The following EPHA3 variants were observed in gnomAD, a reference collection of about 807,000 sequenced individuals.
EPHA3 encodes ephrin type-A receptor 3.
In EPHA3, 42 loss-of-function variants were observed where a neutral mutation model predicts 107.1. The observed-to-expected ratio is 0.39, with a 90% CI of 0.31 to 0.51. The LOEUF (loss-of-function observed/expected upper bound fraction) is 0.51, where lower values mean the gene tolerates loss of function less well. Among genes scored for constraint, EPHA3 ranks in the 20% least tolerant of loss-of-function variants. The pLI, the probability that EPHA3 is intolerant of heterozygous loss-of-function variation, is 0.78. For synonymous variants in EPHA3, 461 were observed against 424.8 expected (o/e 1.09, Z -1.05); for missense variants, 1,183 against 1,211.2 (o/e 0.98, Z 0.35).
At chr3:89,289,429 G>A (rs1220419986) in intron 3 of EPHA3, among the ~76,000 whole-genome samples, 1 of 151,430 alleles carries the variant, frequency 6.6e-6, no homozygotes, top group Non-Finnish European at 1.5e-5. Flanking sequence ...CTATGAAAAT[G>A]AAAAAAAATT....
At chr3:89,133,478 T>A (rs1704248329) in intron 2 of EPHA3, among the ~76,000 whole-genome samples, 1 of 152,216 alleles carries the variant, frequency 6.6e-6, no homozygotes. Flanking sequence ...AATCTGTGCT[T>A]CGGGATTCGA....
chr3:89,226,712 G>C (rs753494467), intron 3 of EPHA3, among the ~76,000 whole-genome samples: 1 of 152,008 alleles, frequency 6.6e-6, no homozygotes, highest in African/African-American at 2.4e-5. Flanking sequence ...TTAAAACAAG[G>C]CATGTCATAC....
intron 3 of EPHA3, among the ~76,000 whole-genome samples, chr3:89,326,772 A>G (rs149194653): frequency 2.4e-3 from 368 of 152,162 alleles, no homozygotes; most frequent in African/African-American, 8.7e-3. Flanking sequence ...ACAGAGGCCA[A>G]CTGCATTTCT....
chr3:89,392,604 A>G (rs1708767691), intron 5 of EPHA3, among the ~76,000 whole-genome samples: 2 of 151,246 alleles, frequency 1.3e-5, no homozygotes, highest in Middle Eastern at 6.8e-3. Flanking sequence ...TTTTTTTTCC[A>G]TTTTGTTTAA....
intron 9 of EPHA3, among the ~76,000 whole-genome samples, chr3:89,410,940 G>T (rs916503560): frequency 2.2e-4 from 33 of 151,872 alleles, no homozygotes; most frequent in Non-Finnish European, 3.2e-4. Flanking sequence ...GTATTTATAG[G>T]AAGGATTCAT....
intron 3 of EPHA3, among the ~76,000 whole-genome samples, chr3:89,323,200 CATTT>C (rs1707083106): frequency 6.6e-6 from 1 of 152,000 alleles, no homozygotes; most frequent in East Asian, 1.9e-4. Flanking sequence ...AATATGTAAG[CATTT>C]ATTTATATAA....
At chr3:89,109,550 T>C (rs1366955726) in intron 1 of EPHA3, among the ~76,000 whole-genome samples, 2 of 151,946 alleles carry the variant, frequency 1.3e-5, no homozygotes, top group African/African-American at 4.8e-5. Flanking sequence ...TAGCTGTTAG[T>C]CAGTATTTTT....
intron 3 of EPHA3, among the ~76,000 whole-genome samples, chr3:89,275,647 C>G (rs1705786739): frequency 6.6e-6 from 1 of 152,158 alleles, no homozygotes; most frequent in Middle Eastern, 3.4e-3. Flanking sequence ...ACCAAATTTT[C>G]TCAGAAATAT....
At chr3:89,163,931 G>T in intron 2 of EPHA3, among the ~76,000 whole-genome samples, 1 of 152,178 alleles carries the variant, frequency 6.6e-6, no homozygotes, top group East Asian at 1.9e-4. Flanking sequence ...TAAGGAATGA[G>T]ATCTTTAAAT....
At chr3:89,453,851 A>G (rs1710045207) in intron 15 of EPHA3, among the ~76,000 whole-genome samples, 1 of 152,180 alleles carries the variant, frequency 6.6e-6, no homozygotes, top group Non-Finnish European at 1.5e-5. Flanking sequence ...ATGTAGTGGC[A>G]CCTGCACCTA....
chr3:89,352,372 T>C (rs1477516735), intron 5 of EPHA3, among the ~76,000 whole-genome samples: 1 of 151,300 alleles, frequency 6.6e-6, no homozygotes, highest in East Asian at 1.9e-4. Context: ...CAAAATGTTG[T>C]CACTAATATA....
chr3:89,338,818 C>G (rs1252509251), intron 3 of EPHA3, among the ~76,000 whole-genome samples: 1 of 152,160 alleles, frequency 6.6e-6, no homozygotes, highest in East Asian at 1.9e-4. Flanking sequence ...CAGGTATTCA[C>G]TAAACACTCA....
chr3:89,383,884 G>A (rs1181336722), intron 5 of EPHA3, among the ~76,000 whole-genome samples: 3 of 151,688 alleles, frequency 2.0e-5, no homozygotes, highest in Admixed American at 2.0e-4. Context: ...TCCTGACCTC[G>A]AGATCTGCCC....
intron 3 of EPHA3, among the ~76,000 whole-genome samples, chr3:89,285,017 T>C (rs546550474): frequency 6.6e-6 from 1 of 152,076 alleles, no homozygotes; most frequent in East Asian, 1.9e-4. Flanking sequence ...TCCTGGCTAC[T>C]CAGGGGCTGA....
intron 3 of EPHA3, among the ~76,000 whole-genome samples, chr3:89,273,975 A>G (rs1232395445): frequency 6.6e-6 from 1 of 151,962 alleles, no homozygotes; most frequent in Non-Finnish European, 1.5e-5. Context: ...CACTAAATAG[A>G]CAGTTATTTA....
chr3:89,113,746 G>GGT (rs928818012), intron 1 of EPHA3, among the ~76,000 whole-genome samples: 2 of 105,700 alleles, frequency 1.9e-5, no homozygotes, highest in African/African-American at 7.6e-5. Flanking sequence ...GGTGGGGGGG[G>GGT]GCTGCATTTC....
chr3:89,148,070 T>C (rs909836601), intron 2 of EPHA3, among the ~76,000 whole-genome samples: 4 of 151,952 alleles, frequency 2.6e-5, no homozygotes, highest in Non-Finnish European at 5.9e-5. Context: ...TGTACAAAGA[T>C]TTTTAGGGAA....
intron 5 of EPHA3, among the ~76,000 whole-genome samples, chr3:89,375,878 A>G (rs1217052007): frequency 6.6e-6 from 1 of 151,984 alleles, no homozygotes; most frequent in Non-Finnish European, 1.5e-5. Context: ...TTGAGGGAAC[A>G]TAGGTTATCA....
At chr3:89,358,891 T>C (rs1708024833) in intron 5 of EPHA3, among the ~76,000 whole-genome samples, 1 of 151,176 alleles carries the variant, frequency 6.6e-6, no homozygotes, top group Non-Finnish European at 1.5e-5. Flanking sequence ...ATCTCTCAAA[T>C]GCATGTATCT....
Sources: gnomAD v4.1 joint callset for allele counts (sites outside exome capture counted in the v4.1 genomes callset) on GRCh38, gnomAD v4.1.1 for gene constraint, MANE v1.5 for transcripts, NCBI Gene and HGNC (gene_info 2026-07-23, HGNC 2026-07-21) for gene names.